The following CHRDL1 variants were observed in gnomAD, a reference collection of about 807,000 sequenced individuals.
CHRDL1 encodes the protein chordin-like protein 1.
Under a neutral mutation model 40.9 loss-of-function variants are expected in CHRDL1, and 19 were observed. The observed-to-expected ratio is 0.46, with a 90% CI of 0.32 to 0.68. CHRDL1 has a LOEUF of 0.68. CHRDL1 is among the 30% of genes least tolerant of loss of function. The probability of loss-of-function intolerance (pLI) is 0.03; values close to 1 mark genes in which losing one functional copy is unlikely to be tolerated. For synonymous variants in CHRDL1, 136 were observed against 123.4 expected (o/e 1.10, Z -0.68); for missense variants, 329 against 352.1 (o/e 0.93, Z 0.53).
In CHRDL1 at chrX:110,793,407, C is replaced by T. The variant is rs1398030955; in HGVS notation, c.-34-1192G>A. 5.4e-5 allele frequency among the ~76,000 whole-genome samples: 6 copies of T among 111,498 alleles called. No individual in the cohort carries two copies. In the Admixed American group the frequency reaches 5.7e-4, roughly 11 times the overall value. On this transcript the variant is annotated intron_variant, in intron 1 of 11. Coordinates refer to ENST00000372042, the MANE Select transcript of CHRDL1 (RefSeq NM_001143981.2). ...GTGCTATCAAACAAGATTTGCAGCA[C>T]CGTCTGCCTTCCTTCTTTACCTCCT...
At chrX:110,771,196 G>GAATTTA (rs1180059219) in intron 2 of CHRDL1, among the ~76,000 whole-genome samples, 2 of 109,715 alleles carry the variant, frequency 1.8e-5, no homozygotes, top group Admixed American at 2.0e-4. Context: ...TATTTTAAAG[G>GAATTTA]AATTTAAATT....
At chrX:110,692,570 T>C (rs2070300843) in intron 8 of CHRDL1, among the ~76,000 whole-genome samples, 1 of 112,418 alleles carries the variant, frequency 8.9e-6, no homozygotes, top group Admixed American at 9.4e-5. Context: ...TTGAAATACT[T>C]TCACAGCAAA....
At chrX:110,727,984 ATAT>A (rs2071087893) in intron 4 of CHRDL1, among the ~76,000 whole-genome samples, 1 of 111,895 alleles carries the variant, frequency 8.9e-6, no homozygotes, top group African/African-American at 3.2e-5. Flanking sequence ...TTATAACAAA[ATAT>A]TATGTAGTTC....
chrX:110,756,832 A>G (rs1315934525), intron 4 of CHRDL1, among the ~76,000 whole-genome samples: 2 of 112,378 alleles, frequency 1.8e-5, no homozygotes, highest in East Asian at 5.6e-4. Flanking sequence ...CACATCTAAA[A>G]ATATTTAGAT....
At chrX:110,752,062 C>T (rs2089369330) in intron 4 of CHRDL1, among the ~76,000 whole-genome samples, 1 of 111,854 alleles carries the variant, frequency 8.9e-6, no homozygotes, top group Non-Finnish European at 1.9e-5. Context: ...TATGTGGAAG[C>T]TAAAAAAGTT....
At chrX:110,792,288 C>A in intron 1 of CHRDL1, 73 bp from the exon 2 acceptor site, 1 of 450,052 alleles carries the variant, frequency 2.2e-6, no homozygotes, top group Non-Finnish European at 3.8e-6. Flanking sequence ...GATGCTCAGG[C>A]TTCTAACCTG....
chrX:110,716,748 C>T (rs1251688345), intron 6 of CHRDL1, among the ~76,000 whole-genome samples: 1 of 111,234 alleles, frequency 9.0e-6, no homozygotes, highest in East Asian at 2.8e-4. Context: ...GAGGAAGCTG[C>T]ATTTGTGCTA....
chrX:110,743,480 T>A (rs1334443093), intron 4 of CHRDL1, among the ~76,000 whole-genome samples: 1 of 112,110 alleles, frequency 8.9e-6, no homozygotes, highest in Non-Finnish European at 1.9e-5. Context: ...ATAATCTAGA[T>A]AATCCCAGAA....
At chrX:110,693,002 C>T (rs2070310027) in intron 8 of CHRDL1, among the ~76,000 whole-genome samples, 1 of 112,025 alleles carries the variant, frequency 8.9e-6, no homozygotes, top group African/African-American at 3.2e-5. Flanking sequence ...GATTTGTTTT[C>T]CCTTTAAACG....
At chrX:110,758,987 G>A (rs929961518) in intron 4 of CHRDL1, among the ~76,000 whole-genome samples, 4 of 111,713 alleles carry the variant, frequency 3.6e-5, no homozygotes, top group Non-Finnish European at 5.6e-5. Flanking sequence ...CACTCCACAC[G>A]CTTTTGGGGT....
intron 2 of CHRDL1, among the ~76,000 whole-genome samples, chrX:110,766,575 A>G (rs1411968472): frequency 1.8e-5 from 2 of 111,643 alleles, no homozygotes; most frequent in African/African-American, 6.5e-5. Flanking sequence ...TACACACATA[A>G]ACTAGGAAAC....
chrX:110,794,301 T>C (rs971166509), intron 1 of CHRDL1, among the ~76,000 whole-genome samples: 1 of 112,309 alleles, frequency 8.9e-6, no homozygotes, highest in Non-Finnish European at 1.9e-5. Flanking sequence ...CCCAGTTAAC[T>C]GGAGTTATTT....
intron 6 of CHRDL1, among the ~76,000 whole-genome samples, chrX:110,705,185 C>G (rs1211673116): frequency 9.5e-6 from 1 of 105,706 alleles, no homozygotes; most frequent in African/African-American, 3.4e-5. Context: ...CCCTGTAACA[C>G]AAATCAGATG....
At position 110,715,594 on chromosome X, in the gene CHRDL1, C is replaced by A. The variant is rs754315684; in HGVS notation, c.541+4241G>T. Among the ~76,000 whole-genome samples, 5 of 111,928 alleles carry A rather than the reference C, an allele frequency of 4.5e-5. No individual in the cohort carries two copies. In the East Asian group the frequency reaches 1.1e-3, roughly 25 times the overall value. ...ACAGCACTCGTAGGTGGTAGCCCTGCAATGTCAAATCTATGACCTTCTGGC... is the reference window on the plus strand; with the variant it reads ...ACAGCACTCGTAGGTGGTAGCCCTGAAATGTCAAATCTATGACCTTCTGGC... On this transcript the variant is annotated intron_variant, in intron 6 of 11. Transcript: ENST00000372042.
At chrX:110,746,046 C>T (rs145214531) in intron 4 of CHRDL1, among the ~76,000 whole-genome samples, 1,794 of 111,863 alleles carry the variant, frequency 0.016, 11 homozygotes, top group Middle Eastern at 0.037. Context: ...ATGACATCCT[C>T]CCATTACTGT....
chrX:110,685,835 C>T (rs5943050), intron 9 of CHRDL1, among the ~76,000 whole-genome samples: 51,252 of 106,421 alleles, frequency 0.48, 11,135 homozygotes, highest in African/African-American at 0.79. Context: ...TATCTTTGTG[C>T]ATGTCTGTGG....
At chrX:110,731,758 G>C (rs2071165419) in intron 4 of CHRDL1, among the ~76,000 whole-genome samples, 2 of 111,251 alleles carry the variant, frequency 1.8e-5, no homozygotes, top group South Asian at 7.6e-4. Context: ...GTCCAAAATA[G>C]GCAAATCCAT....
rs774761269 is a variant in CHRDL1, at chrX:110,784,329, C to T, written c.94+7759G>A. 3.6e-5 allele frequency among the ~76,000 whole-genome samples: 4 copies of T among 112,190 alleles called. No homozygotes were observed. The East Asian group carries it at 8.4e-4, about 24-fold the overall frequency. ...AAAGTCATGAAGAAGCAACATTCTC[C>T]GTCCTGTGTATGCAGCTTTTTCCTT... On this transcript the variant is annotated intron_variant, in intron 2 of 11. Transcript: ENST00000372042.
chrX:110,778,320 C>G (rs751486461), intron 2 of CHRDL1, among the ~76,000 whole-genome samples: 9 of 111,898 alleles, frequency 8.0e-5, no homozygotes, highest in Admixed American at 7.6e-4. Context: ...AACAGATAGC[C>G]TACAGAATGG....
Sources: allele counts gnomAD v4.1 joint callset (sites outside exome capture counted in the v4.1 genomes callset), GRCh38; gene constraint gnomAD v4.1.1; transcripts MANE v1.5; gene names NCBI Gene and HGNC (gene_info 2026-07-23, HGNC 2026-07-21).